The following FTCDNL1 variants were observed in gnomAD, a reference collection of about 807,000 sequenced individuals.
FTCDNL1 encodes the protein formiminotransferase N-terminal subdomain-containing protein.
A neutral mutation model predicts 5.9 loss-of-function variants in FTCDNL1; 11 were observed. The ratio of observed to expected loss-of-function variants is 1.87; its 90% CI spans 1.18 to 3.10. The LOEUF (loss-of-function observed/expected upper bound fraction) is 3.10. Ranked by LOEUF, FTCDNL1 falls within the 30% of genes most tolerant of loss-of-function variation. FTCDNL1 has a pLI of 0.00. For missense variants in FTCDNL1, 115 were observed against 65.5 expected (o/e 1.76, Z -2.61); for synonymous variants, 58 against 24.8 (o/e 2.34, Z -3.99).
intron 3 of FTCDNL1, among the ~76,000 whole-genome samples, chr2:199,822,695 G>A (rs977639499): frequency 6.6e-6 from 1 of 152,246 alleles, no homozygotes; most frequent in African/African-American, 2.4e-5. Flanking sequence ...AAACTCTGAT[G>A]CTGCTTTATC....
chr2:199,781,563 G>A (rs1184035598), intron 3 of FTCDNL1, among the ~76,000 whole-genome samples: 1 of 152,068 alleles, frequency 6.6e-6, no homozygotes, highest in Non-Finnish European at 1.5e-5. Context: ...AGAATATCTA[G>A]GCAGTTCATA....
intron 3 of FTCDNL1, among the ~76,000 whole-genome samples, chr2:199,773,257 A>T (rs893574379): frequency 2.0e-5 from 3 of 152,164 alleles, no homozygotes. Context: ...ATATATCCCA[A>T]CTATACGTAT....
At chr2:199,752,416 T>C in the FTCDNL1 span, among the ~76,000 whole-genome samples, 1 of 152,252 alleles carries the variant, frequency 6.6e-6, no homozygotes, top group Non-Finnish European at 1.5e-5. Context: ...TTAGTTGGGA[T>C]GTTTCTATGA....
At chr2:199,701,325 AAAAAAAAAAAAAAAAAAAAAAAAAAAAC>A in the FTCDNL1 span, among the ~76,000 whole-genome samples, 312 of 7,282 alleles carry the variant, frequency 0.043, 14 homozygotes, top group South Asian at 0.18. Context: ...AAAAAAAAAA[AAAAAAAAAAAAAAAAAAAAAAAAAAAAC>A]CACCGCATGC....
chr2:199,721,643 T>C, the FTCDNL1 span, among the ~76,000 whole-genome samples: 1 of 152,224 alleles, frequency 6.6e-6, no homozygotes, highest in Non-Finnish European at 1.5e-5. Flanking sequence ...ATATACCCAG[T>C]AATGGGATTG....
chr2:199,800,026 T>TA (rs925934564), intron 3 of FTCDNL1, among the ~76,000 whole-genome samples: 5 of 152,106 alleles, frequency 3.3e-5, no homozygotes, highest in African/African-American at 1.2e-4. Flanking sequence ...CACAGTATAA[T>TA]AAAACACTGT....
chr2:199,822,064 A>C (rs1701728329), intron 3 of FTCDNL1, among the ~76,000 whole-genome samples: 1 of 152,160 alleles, frequency 6.6e-6, no homozygotes, highest in Admixed American at 6.6e-5. Context: ...TTAAGTGTTT[A>C]ATAGTATTAT....
At chr2:199,844,386 C>A in intron 3 of FTCDNL1, 2 of 559,274 alleles carry the variant, frequency 3.6e-6, no homozygotes, top group South Asian at 2.1e-5. Context: ...TTACTTCTGG[C>A]CACCACTCCA....
intron 3 of FTCDNL1, among the ~76,000 whole-genome samples, chr2:199,827,686 AG>A (rs1287235766): frequency 6.6e-6 from 1 of 152,198 alleles, no homozygotes; most frequent in East Asian, 1.9e-4. Context: ...AAAAAGAAAA[AG>A]AAACTATCCC....
the FTCDNL1 span, among the ~76,000 whole-genome samples, chr2:199,736,707 A>G: frequency 6.6e-6 from 1 of 152,214 alleles, no homozygotes; most frequent in Admixed American, 6.5e-5. Flanking sequence ...GAAGAACTTG[A>G]CTAGTGTCAT....
chr2:199,848,547 A>G lies in FTCDNL1; in HGVS notation c.115+301T>C, dbSNP rs572365223. Among the ~76,000 whole-genome samples the G allele has an allele frequency of 6.9e-4, 105 of 152,362 alleles. 1 individual carries two copies. The highest frequency in any genetic ancestry group is 2.3e-3 in the African/African-American group (95 of 41,586). On this transcript the variant is annotated intron_variant, in intron 2 of 4. Transcript: ENST00000420128. ...AAACATTATACTTTTATGTAAATAC[A>G]TCCTCCCCAGGAGCCTGTCAATATC...
In FTCDNL1 at chr2:199,783,676, C is replaced by G. The variant is rs547872980; in HGVS notation, c.212-22841G>C. Among the ~76,000 whole-genome samples the G allele has an allele frequency of 1.1e-4, 16 of 152,268 alleles. No homozygotes were observed. In the South Asian group the frequency reaches 3.3e-3, roughly 32 times the overall value. On this transcript the variant is annotated intron_variant, in intron 3 of 3. Coordinates refer to the FTCDNL1 transcript ENST00000416668. ...CTGTCCCATACAGCCTCTCCTGGCT[C>G]CTGCCTACCCATGTTAGGTGGGTCC...
At chr2:199,690,413 A>C in the FTCDNL1 span, among the ~76,000 whole-genome samples, 2 of 151,990 alleles carry the variant, frequency 1.3e-5, no homozygotes, top group Non-Finnish European at 2.9e-5. Flanking sequence ...GGCCCGTTCC[A>C]TTCACTCCCC....
chr2:199,848,401 G>A (rs111724274), intron 2 of FTCDNL1, among the ~76,000 whole-genome samples: 4,452 of 152,314 alleles, frequency 0.029, 88 homozygotes, highest in Non-Finnish European at 0.044. Flanking sequence ...TTTGCTGGCA[G>A]GAGTGCTGGG....
the FTCDNL1 span, among the ~76,000 whole-genome samples, chr2:199,714,282 C>T: frequency 6.6e-6 from 1 of 151,884 alleles, no homozygotes; most frequent in South Asian, 2.1e-4. Flanking sequence ...GTGAAAAACT[C>T]AAGAGATCAA....
chr2:199,752,770 GTGTGTGTGTGTA>G, the FTCDNL1 span, among the ~76,000 whole-genome samples: 12,111 of 141,986 alleles, frequency 0.085, 644 homozygotes, highest in Admixed American at 0.12. Context: ...GTGTGTGTGT[GTGTGTGTGTGTA>G]TGTGTGTGTG....
chr2:199,764,044 G>A (rs1177669144), intron 3 of FTCDNL1, among the ~76,000 whole-genome samples: 2 of 152,098 alleles, frequency 1.3e-5, no homozygotes, highest in Non-Finnish European at 2.9e-5. Flanking sequence ...GTTTCACCAT[G>A]TTGGCCAGGC....
chr2:199,757,140 G>C (rs889635768), downstream of FTCDNL1, among the ~76,000 whole-genome samples: 4 of 152,212 alleles, frequency 2.6e-5, no homozygotes, highest in Admixed American at 6.5e-5. Context: ...AATGATTTGT[G>C]CCTAAAAGGA....
rs891406051 is a variant in FTCDNL1, at chr2:199,812,358, C to T, written c.*347G>A. Among the ~76,000 whole-genome samples, 2 of 150,580 alleles carry T rather than the reference C, an allele frequency of 1.3e-5. No homozygotes were observed. The highest frequency in any genetic ancestry group is 2.4e-5 in the African/African-American group (1 of 41,356). ...TAATCCTTCCAAGTCAAAACCAATACGGTGATCCAATTATACTGAATCAAA... is the reference window on the plus strand; with the variant it reads ...TAATCCTTCCAAGTCAAAACCAATATGGTGATCCAATTATACTGAATCAAA... On this transcript the variant is annotated 3_prime_UTR_variant, in exon 5 of 5. Transcript: ENST00000420128.
Sources: allele counts gnomAD v4.1 joint callset (sites outside exome capture counted in the v4.1 genomes callset), GRCh38; gene constraint gnomAD v4.1.1; transcripts MANE v1.5; gene names NCBI Gene and HGNC (gene_info 2026-07-23, HGNC 2026-07-21).